The following COL5A2 variants were observed in gnomAD, a reference collection of about 807,000 sequenced individuals.
COL5A2 encodes collagen type V alpha 2 chain.
COL5A2 carries 23 observed loss-of-function variants against 208.2 expected under a neutral mutation model. The observed-to-expected ratio is 0.11, with a 90% CI of 0.08 to 0.16. The LOEUF is 0.16. COL5A2 is among the 10% of genes least tolerant of loss of function. The pLI is 1.00. For missense variants in COL5A2, 1,590 were observed against 1,956.4 expected (o/e 0.81, Z 3.53); for synonymous variants, 625 against 628.5 (o/e 0.99, Z 0.08).
intron 1 of COL5A2, among the ~76,000 whole-genome samples, chr2:189,212,049 T>C (rs1244889463): frequency 1.3e-5 from 2 of 152,186 alleles, no homozygotes; most frequent in East Asian, 3.9e-4. Flanking sequence ...ATCAAAGGCT[T>C]AGAGGAGGAG....
In COL5A2 at chr2:189,060,742, T is replaced by C. The variant is rs762482226; in HGVS notation, c.2073A>G (p.Lys691=). The C allele has an allele frequency of 1.9e-6, 3 of 1,613,306 alleles. No homozygotes were observed. The highest frequency in any genetic ancestry group is 2.2e-5 in the East Asian group (1 of 44,844). ...TTTAAACACTTACTTGATCACCTGG[T>C]TTTCCACCTTCTCCAGGAGGCCCTG... The part of the protein sequence containing the change: ...GPPGPPGEGG[K]PGDQGVPGDP... Residue 691 remains lysine, a synonymous_variant, in exon 31 of 54, where the codon AAA becomes AAG. Coordinates refer to ENST00000374866, the MANE Select transcript of COL5A2 (RefSeq NM_000393.5).
the COL5A2 span, among the ~76,000 whole-genome samples, chr2:189,277,393 T>C: frequency 6.6e-6 from 1 of 152,072 alleles, no homozygotes; most frequent in South Asian, 2.1e-4. Context: ...GCTTGTTTCA[T>C]AAAATAACAG....
At chr2:189,185,127 G>A (rs1688834169) in intron 1 of COL5A2, among the ~76,000 whole-genome samples, 1 of 151,888 alleles carries the variant, frequency 6.6e-6, no homozygotes, top group South Asian at 2.1e-4. Flanking sequence ...GGGTTCAAAC[G>A]ATTCTCCTGC....
chr2:189,041,504 C>A, intron 50 of COL5A2, 82 bp downstream of exon 50: 1 of 1,103,160 alleles, frequency 9.1e-7, no homozygotes, highest in East Asian at 2.4e-5. Context: ...TCTTGTCAAT[C>A]GGGCTGCACA....
the COL5A2 span, among the ~76,000 whole-genome samples, chr2:189,292,516 C>T: frequency 1.3e-5 from 2 of 152,190 alleles, no homozygotes. Flanking sequence ...CTCACCATCA[C>T]TGGCCATCAG....
In COL5A2 at chr2:189,033,086, T is replaced by C. The variant is rs1245206849; in HGVS notation, c.*984A>G. Reference sequence around the variant, plus strand: ...CAAAGGCCAAATGGTCTAATTCCAATCATCACATTTGATTAGAGTCAGCTC... The same window carrying C: ...CAAAGGCCAAATGGTCTAATTCCAACCATCACATTTGATTAGAGTCAGCTC... On this transcript the variant is annotated 3_prime_UTR_variant, in exon 54 of 54. Coordinates refer to ENST00000374866, the MANE Select transcript of COL5A2 (RefSeq NM_000393.5). 1 of 152,606 alleles carries C rather than the reference T, an allele frequency of 6.6e-6. No individual in the cohort carries two copies. The highest frequency in any genetic ancestry group is 2.4e-5 in the African/African-American group (1 of 41,450). 9.5% of individuals were successfully genotyped at this position (152,606 alleles called of 1,614,324 possible).
Position 189,062,207 on chromosome 2 carries a change from G to A in COL5A2, c.1978-592C>T, listed in dbSNP as rs562708591. Among the ~76,000 whole-genome samples the A allele has an allele frequency of 6.5e-4, 97 of 148,740 alleles. 2 individuals carry two copies. The East Asian group carries it at 0.014, about 22-fold the overall frequency. On this transcript the variant is annotated intron_variant, in intron 29 of 53. Transcript: ENST00000374866. ...TAATTTTTTTTTTTTTTTTGGAGAT[G>A]GAGTCTTGCTCTGCCACCCAGGCTG...
Position 189,034,196 on chromosome 2 carries a change from G to C in COL5A2, c.4374C>G (p.Gly1458=). 1 of 1,613,930 alleles carries C rather than the reference G, an allele frequency of 6.2e-7. No individual in the cohort carries two copies. The highest frequency in any genetic ancestry group is 1.1e-5 in the South Asian group (1 of 91,078). ...DTCSKRNGNV[G]KTVFEYRTQN... is the part of the protein sequence containing the mutation. ...GTGTTCTATATTCAAAGACAGTCTT[G>C]CCCACATTTCCATTCCGCTTCTGAA... The change falls in exon 54 of 54, where the codon GGC becomes GGG. Residue 1458 remains glycine (G), a synonymous_variant. Transcript: ENST00000374866.
intron 1 of COL5A2, among the ~76,000 whole-genome samples, chr2:189,150,231 A>T (rs751022070): frequency 3.9e-4 from 60 of 152,164 alleles, no homozygotes; most frequent in Non-Finnish European, 3.8e-4. Context: ...AACAGTTGTG[A>T]TTGTTTACTG....
In COL5A2 at chr2:189,191,460, T is replaced by C. The variant is rs567530602; in HGVS notation, c.-42+33688A>G. ...GTTCGCGACCAGCCTGGCCAACATG[T>C]TGAAACCCCATCTCTACTAAAAACA... On this transcript the variant is annotated intron_variant, in intron 1 of 10. Transcript: ENST00000649966. Among the ~76,000 whole-genome samples, 9 of 151,810 alleles carry C rather than the reference T, an allele frequency of 5.9e-5. 1 individual carries two copies. The highest frequency in any genetic ancestry group is 2.2e-4 in the African/African-American group (9 of 41,422).
chr2:189,180,884 T>A (rs1295328169), upstream of COL5A2, among the ~76,000 whole-genome samples: 1 of 152,168 alleles, frequency 6.6e-6, no homozygotes, highest in Non-Finnish European at 1.5e-5. Context: ...ATTTGCCACC[T>A]TGAGTCTCCC....
chr2:189,050,695 T>C lies in COL5A2; in HGVS notation c.2932-19A>G. ...CTGGACCCTAATGTTGAGGACAAAC[T>C]AAAATCAGAAACTATCCAGGGTAAA... On this transcript the variant is annotated intron_variant, in intron 42 of 53. Transcript: ENST00000374866. The C allele has an allele frequency of 6.5e-7, 1 of 1,540,102 alleles. No homozygotes were observed. Among genetic ancestry groups the C allele is most frequent in the Non-Finnish European group, 8.8e-7 (1 of 1,136,952 alleles).
At chr2:189,234,178 T>C in the COL5A2 span, among the ~76,000 whole-genome samples, 2 of 151,714 alleles carry the variant, frequency 1.3e-5, no homozygotes, top group African/African-American at 2.4e-5. Flanking sequence ...ATAACATCTA[T>C]TAACTTCCTC....
At chr2:189,138,853 A>T (rs1011253832) in intron 1 of COL5A2, among the ~76,000 whole-genome samples, 4 of 152,212 alleles carry the variant, frequency 2.6e-5, no homozygotes, top group Non-Finnish European at 5.9e-5. Flanking sequence ...ATCACCAAAA[A>T]TGTAAAATAA....
At chr2:189,245,525 C>A in the COL5A2 span, among the ~76,000 whole-genome samples, 4 of 149,842 alleles carry the variant, frequency 2.7e-5, no homozygotes, top group East Asian at 7.8e-4. Flanking sequence ...TGCTCTGTCG[C>A]CCAGGCTGGA....
chr2:189,372,784 T>C, the COL5A2 span, among the ~76,000 whole-genome samples: 1 of 152,306 alleles, frequency 6.6e-6, no homozygotes, highest in African/African-American at 2.4e-5. Context: ...ATATCCTTTT[T>C]CTGATGAAGC....
At chr2:189,292,919 C>T in the COL5A2 span, among the ~76,000 whole-genome samples, 2 of 152,092 alleles carry the variant, frequency 1.3e-5, no homozygotes, top group Non-Finnish European at 2.9e-5. Context: ...GAATACTATG[C>T]AGCCATAAAA....
Position 189,058,845 on chromosome 2 carries a change from T to C in COL5A2, c.2130+4A>G, listed in dbSNP as rs1207227582. ...ACATTAATCATGAAGATTAAAATACTTACTCTAGGTCCTAACGGGCCAACT... is the reference window on the plus strand; with the variant it reads ...ACATTAATCATGAAGATTAAAATACCTACTCTAGGTCCTAACGGGCCAACT... On this transcript the variant is annotated splice_donor_region_variant and intron_variant, in intron 32 of 53. Transcript: ENST00000374866. The C allele has an allele frequency of 1.2e-6, 2 of 1,613,184 alleles. No homozygotes were observed. The highest frequency in any genetic ancestry group is 1.7e-6 in the Non-Finnish European group (2 of 1,179,514).
At chr2:189,403,019 A>G in the COL5A2 span, among the ~76,000 whole-genome samples, 2 of 152,196 alleles carry the variant, frequency 1.3e-5, no homozygotes, top group Non-Finnish European at 2.9e-5. Context: ...CGTTTCCATG[A>G]TACTGATTCT....
Sources: gnomAD v4.1 joint callset for allele counts (sites outside exome capture counted in the v4.1 genomes callset) on GRCh38, gnomAD v4.1.1 for gene constraint, MANE v1.5 for transcripts, NCBI Gene and HGNC (gene_info 2026-07-23, HGNC 2026-07-21) for gene names.